The following CAMKMT variants were observed in gnomAD, a reference collection of about 807,000 sequenced individuals.
CAMKMT encodes calmodulin-lysine N-methyltransferase.
Under a neutral mutation model 48.0 loss-of-function variants are expected in CAMKMT, and 53 were observed. That is an observed-to-expected ratio of 1.10 (90% CI 0.89 to 1.39). CAMKMT has a LOEUF of 1.39. Among genes scored for constraint, CAMKMT ranks in the 40% most tolerant of loss-of-function variants. CAMKMT has a pLI of 0.00. For synonymous variants in CAMKMT, 165 were observed against 152.3 expected (o/e 1.08, Z -0.61); for missense variants, 428 against 402.7 (o/e 1.06, Z -0.54).
intron 3 of CAMKMT, among the ~76,000 whole-genome samples, chr2:44,391,167 A>C (rs1300842713): frequency 1.3e-5 from 2 of 152,206 alleles, no homozygotes; most frequent in East Asian, 1.9e-4. Context: ...TTATCAAATA[A>C]ATAGATTTGC....
chr2:44,538,627 G>T (rs891524917), intron 3 of CAMKMT, among the ~76,000 whole-genome samples: 3 of 152,012 alleles, frequency 2.0e-5, no homozygotes, highest in Non-Finnish European at 2.9e-5. Flanking sequence ...AGGAGGAGAG[G>T]TTGGGGTGGG....
intron 3 of CAMKMT, among the ~76,000 whole-genome samples, chr2:44,564,784 C>T (rs1296585582): frequency 1.3e-5 from 2 of 152,194 alleles, no homozygotes; most frequent in African/African-American, 2.4e-5. Flanking sequence ...AGGTGATCCA[C>T]CTGCTTTGGC....
intron 3 of CAMKMT, among the ~76,000 whole-genome samples, chr2:44,674,595 A>C (rs186693105): frequency 9.9e-5 from 15 of 152,214 alleles, no homozygotes; most frequent in Non-Finnish European, 1.8e-4. Context: ...ACCTCAACCA[A>C]AGTGCCCTAC....
At position 44,546,256 on chromosome 2, in the gene CAMKMT, T is replaced by G. The variant is rs80022939; in HGVS notation, c.376+155951T>G. 5.4e-3 allele frequency among the ~76,000 whole-genome samples: 823 copies of G among 151,544 alleles called. 3 individuals are homozygous for G. Among genetic ancestry groups the G allele is most frequent in the African/African-American group, 0.019 (794 of 41,244 alleles). On this transcript the variant is annotated intron_variant, in intron 3 of 10. Coordinates refer to ENST00000378494, the MANE Select transcript of CAMKMT (RefSeq NM_024766.5). ...CCAATTTCACATCTAAGTTCTGACA[T>G]TTAGCCCTAAAATCTCCTTCTTAGC...
chr2:44,753,741 A>G (rs1300002242), intron 8 of CAMKMT, among the ~76,000 whole-genome samples: 1 of 152,222 alleles, frequency 6.6e-6, no homozygotes, highest in East Asian at 1.9e-4. Flanking sequence ...GGAAGTTGCC[A>G]GAGTGCTTCA....
At chr2:44,764,094 C>T (rs1053260263) in intron 9 of CAMKMT, among the ~76,000 whole-genome samples, 3 of 151,614 alleles carry the variant, frequency 2.0e-5, no homozygotes, top group Non-Finnish European at 4.4e-5. Flanking sequence ...TCTAGTTTCA[C>T]ATAAAAATGA....
intron 3 of CAMKMT, among the ~76,000 whole-genome samples, chr2:44,546,262 C>G (rs1348054397): frequency 6.6e-6 from 1 of 151,194 alleles, no homozygotes; most frequent in Admixed American, 6.6e-5. Context: ...GACATTTAGC[C>G]CTAAAATCTC....
chr2:44,593,968 G>A (rs531067832), intron 3 of CAMKMT, among the ~76,000 whole-genome samples: 2 of 152,038 alleles, frequency 1.3e-5, no homozygotes, highest in Admixed American at 1.3e-4. Context: ...TCTCTGTGTT[G>A]GTCAGGCTGG....
At chr2:44,647,472 G>A (rs767408950) in intron 3 of CAMKMT, among the ~76,000 whole-genome samples, 1 of 152,150 alleles carries the variant, frequency 6.6e-6, no homozygotes, top group African/African-American at 2.4e-5. Flanking sequence ...TGATGCGCAT[G>A]TGTTATTTAC....
chr2:44,682,776 A>G (rs1447938154), intron 3 of CAMKMT, among the ~76,000 whole-genome samples: 7 of 152,232 alleles, frequency 4.6e-5, no homozygotes, highest in African/African-American at 1.7e-4. Context: ...ACATTTCTCA[A>G]CACTGTTGTA....
At chr2:44,711,470 A>T (rs886735245) in intron 6 of CAMKMT, among the ~76,000 whole-genome samples, 1 of 152,074 alleles carries the variant, frequency 6.6e-6, no homozygotes, top group Non-Finnish European at 1.5e-5. Context: ...CACATAATTA[A>T]TTCTAACTTT....
intron 2 of CAMKMT, among the ~76,000 whole-genome samples, chr2:44,379,218 T>G (rs1679999126): frequency 6.6e-6 from 1 of 152,198 alleles, no homozygotes; most frequent in African/African-American, 2.4e-5. Context: ...CTTTTTAAAT[T>G]TAAGATTCAG....
chr2:44,705,050 T>C (rs1055716992), intron 4 of CAMKMT, among the ~76,000 whole-genome samples: 1 of 152,182 alleles, frequency 6.6e-6, no homozygotes, highest in Non-Finnish European at 1.5e-5. Context: ...ATATACTTCC[T>C]GAATAGCTCA....
intron 10 of CAMKMT, 80 bp downstream of exon 10, chr2:44,766,641 CTAAA>C (rs1680854295): frequency 6.6e-7 from 1 of 1,507,454 alleles, no homozygotes; most frequent in African/African-American, 1.4e-5. Context: ...GGCAGGTAAC[CTAAA>C]TATTTGATTA....
At chr2:44,735,906 C>G (rs529132101) in intron 7 of CAMKMT, among the ~76,000 whole-genome samples, 2 of 119,042 alleles carry the variant, frequency 1.7e-5, no homozygotes, top group South Asian at 4.5e-4. Flanking sequence ...TCAAACAAAA[C>G]AAAACAAAAC....
At chr2:44,413,426 G>C (rs1001091753) in intron 3 of CAMKMT, among the ~76,000 whole-genome samples, 2 of 152,050 alleles carry the variant, frequency 1.3e-5, no homozygotes, top group Non-Finnish European at 2.9e-5. Flanking sequence ...GGCCAAGGCG[G>C]GTGGATCATG....
intron 3 of CAMKMT, among the ~76,000 whole-genome samples, chr2:44,418,217 A>G (rs1683698979): frequency 6.7e-6 from 1 of 150,038 alleles, no homozygotes; most frequent in Non-Finnish European, 1.5e-5. Context: ...AAAGAATTGT[A>G]AGAGCTTATT....
intron 3 of CAMKMT, among the ~76,000 whole-genome samples, chr2:44,552,411 T>G (rs979137337): frequency 6.6e-6 from 1 of 152,144 alleles, no homozygotes; most frequent in African/African-American, 2.4e-5. Context: ...ATGGAGGATT[T>G]AAGAAATCCT....
At chr2:44,734,267 G>A (rs949854336) in intron 7 of CAMKMT, among the ~76,000 whole-genome samples, 5 of 152,034 alleles carry the variant, frequency 3.3e-5, no homozygotes, top group South Asian at 2.1e-4. Flanking sequence ...TTCATTCAAC[G>A]CAAAATAATT....
Sources: allele counts gnomAD v4.1 joint callset (sites outside exome capture counted in the v4.1 genomes callset), GRCh38; gene constraint gnomAD v4.1.1; transcripts MANE v1.5; gene names NCBI Gene and HGNC (gene_info 2026-07-23, HGNC 2026-07-21).